TSPAN11: variants seen among roughly 807,000 people sequenced by gnomAD.
The protein encoded by TSPAN11 is tetraspanin-11.
TSPAN11 carries 29 observed loss-of-function variants against 32.9 expected under a neutral mutation model. The observed-to-expected ratio is 0.88, with a 90% CI of 0.66 to 1.20. The LOEUF is 1.20. Ranked by LOEUF, TSPAN11 falls within the 50% of genes most tolerant of loss-of-function variation. The pLI, the probability that TSPAN11 is intolerant of heterozygous loss-of-function variation, is 0.00. For synonymous variants in TSPAN11, 140 were observed against 141.3 expected (o/e 0.99, Z 0.07); for missense variants, 283 against 329.1 (o/e 0.86, Z 1.08).
intron 3 of TSPAN11, among the ~76,000 whole-genome samples, chr12:30,973,262 C>T (rs1033211831): frequency 1.2e-4 from 18 of 152,198 alleles, no homozygotes; most frequent in Non-Finnish European, 2.5e-4. Flanking sequence ...GGCTGATGCT[C>T]GTGCCCATGT....
chr12:31,016,291 G>A, the TSPAN11 span, among the ~76,000 whole-genome samples: 1 of 152,166 alleles, frequency 6.6e-6, no homozygotes. Context: ...GGTGGAGTTT[G>A]AGGTTGGGAT....
chr12:30,956,627 G>A (rs948613692), intron 2 of TSPAN11, among the ~76,000 whole-genome samples: 1 of 152,104 alleles, frequency 6.6e-6, no homozygotes, highest in African/African-American at 2.4e-5. Context: ...AACCAAAAAC[G>A]CTGACACTTT....
chr12:30,967,342 C>T (rs923157187), intron 3 of TSPAN11, among the ~76,000 whole-genome samples: 3 of 152,228 alleles, frequency 2.0e-5, no homozygotes, highest in Admixed American at 6.5e-5. Context: ...TGTGGAGAGT[C>T]AGTGAAGGTC....
intron 3 of TSPAN11, among the ~76,000 whole-genome samples, chr12:30,968,232 C>T (rs560460519): frequency 6.6e-6 from 1 of 152,296 alleles, no homozygotes; most frequent in South Asian, 2.1e-4. Context: ...GATGAAAGAC[C>T]AGGCATCTGA....
At chr12:31,006,327 T>C in the TSPAN11 span, among the ~76,000 whole-genome samples, 1 of 152,118 alleles carries the variant, frequency 6.6e-6, no homozygotes, top group African/African-American at 2.4e-5. Flanking sequence ...TCAGTGCCCT[T>C]CTCCAAGCAG....
chr12:30,931,205 G>A (rs946285406), intron 1 of TSPAN11, among the ~76,000 whole-genome samples: 1 of 152,102 alleles, frequency 6.6e-6, no homozygotes, highest in African/African-American at 2.4e-5. Context: ...CAATATAAAT[G>A]AGAATGTGTT....
chr12:30,927,319 C>A (rs1937820624), intron 1 of TSPAN11, among the ~76,000 whole-genome samples: 1 of 152,222 alleles, frequency 6.6e-6, no homozygotes, highest in Non-Finnish European at 1.5e-5. Context: ...CTGTGTAGGC[C>A]CTGTCACCTG....
In TSPAN11 at chr12:30,979,661, C is replaced by G. The variant is rs1409320189; in HGVS notation, c.447C>G (p.Leu149=). ...ATQITASVDR[L]QQDFKCCGSN... is the part of the protein sequence containing the mutation. ...AGATCACCGCCTCAGTGGACCGACT[C>G]CAGCAGGATGTAAGCCATGCCCCAT... The change falls in exon 5 of 8, where the codon CTC becomes CTG. Residue 149 remains leucine (L), a synonymous_variant. Transcript: ENST00000546076. 1 of 1,614,168 alleles carries G rather than the reference C, an allele frequency of 6.2e-7. No individual in the cohort carries two copies. The highest frequency in any genetic ancestry group is 1.1e-5 in the South Asian group (1 of 91,082).
intron 2 of TSPAN11, among the ~76,000 whole-genome samples, chr12:30,961,929 C>G (rs914522681): frequency 6.6e-6 from 1 of 152,036 alleles, no homozygotes; most frequent in African/African-American, 2.4e-5. Context: ...CAGGAAATCC[C>G]TCACTGGTCA....
intron 2 of TSPAN11, among the ~76,000 whole-genome samples, chr12:30,959,503 C>T (rs987904647): frequency 1.3e-5 from 2 of 152,138 alleles, no homozygotes; most frequent in African/African-American, 2.4e-5. Flanking sequence ...CACCGCGCCA[C>T]GCCCTGGAGT....
At chr12:30,927,150 T>C in intron 1 of TSPAN11, 1 of 695,330 alleles carries the variant, frequency 1.4e-6, no homozygotes, top group Non-Finnish European at 2.1e-6. Flanking sequence ...TCTGTTCCTC[T>C]TGAAAATGTC....
At chr12:30,958,293 T>C (rs191087620) in intron 2 of TSPAN11, among the ~76,000 whole-genome samples, 116 of 152,220 alleles carry the variant, frequency 7.6e-4, no homozygotes, top group Admixed American at 7.6e-3. Context: ...CAAGGATGCC[T>C]CAAAGTGGGA....
chr12:30,995,837 G>A lies in TSPAN11; in HGVS notation c.*3922G>A, dbSNP rs954908826. On this transcript the variant is annotated 3_prime_UTR_variant, in exon 8 of 8. Coordinates refer to ENST00000546076, the MANE Select transcript of TSPAN11 (RefSeq NM_001370302.1). ...AGAATTTCTCATCAGGAGTGGGCAA[G>A]ACCAATCATTTGCATTTCTGACAAG... is the stretch of plus-strand genomic sequence containing the variant. The A allele has an allele frequency of 6.6e-6, 1 of 152,208 alleles. No individual in the cohort carries two copies. The highest frequency in any genetic ancestry group is 2.4e-5 in the African/African-American group (1 of 41,420). The allele number at this position is 152,208 out of a possible 1,614,324, so 9.4% of individuals were successfully genotyped here. A position where few individuals can be genotyped will look rare whatever the true frequency, so the allele number is the denominator to read the frequency against.
At chr12:30,956,819 G>A (rs977593380) in intron 2 of TSPAN11, among the ~76,000 whole-genome samples, 1 of 152,144 alleles carries the variant, frequency 6.6e-6, no homozygotes, top group Non-Finnish European at 1.5e-5. Flanking sequence ...TAATCAAAAC[G>A]TTTCTAGCCC....
intron 1 of TSPAN11, among the ~76,000 whole-genome samples, chr12:30,946,620 G>A (rs1938273458): frequency 6.6e-6 from 1 of 152,202 alleles, no homozygotes; most frequent in Admixed American, 6.5e-5. Flanking sequence ...CTGCTCTGGG[G>A]ATCTGGGAAG....
At chr12:30,960,121 T>TGTGGGTGG (rs950664975) in intron 2 of TSPAN11, among the ~76,000 whole-genome samples, 1 of 9,430 alleles carries the variant, frequency 1.1e-4, no homozygotes, top group East Asian at 4.5e-3. Context: ...CTGTGGTGTC[T>TGTGGGTGG]GTGGGTGGGT....
chr12:31,007,374 C>T, the TSPAN11 span, among the ~76,000 whole-genome samples: 2 of 152,086 alleles, frequency 1.3e-5, no homozygotes, highest in African/African-American at 4.8e-5. Flanking sequence ...CCCTATTTTC[C>T]CCACTCCCAG....
intron 1 of TSPAN11, among the ~76,000 whole-genome samples, chr12:30,932,434 T>C (rs1449627606): frequency 6.6e-6 from 1 of 152,216 alleles, no homozygotes; most frequent in Non-Finnish European, 1.5e-5. Context: ...CAGAGCAGTG[T>C]CATTGCTGCT....
At chr12:30,988,980 C>G (rs1235697360) in intron 7 of TSPAN11, among the ~76,000 whole-genome samples, 1 of 152,224 alleles carries the variant, frequency 6.6e-6, no homozygotes, top group Non-Finnish European at 1.5e-5. Flanking sequence ...GTCACAGTAG[C>G]CCAGCCCTTT....
Sources: gnomAD v4.1 joint callset for allele counts (sites outside exome capture counted in the v4.1 genomes callset) on GRCh38, gnomAD v4.1.1 for gene constraint, MANE v1.5 for transcripts, NCBI Gene and HGNC (gene_info 2026-07-23, HGNC 2026-07-21) for gene names.